The following ZNF581 variants were observed in gnomAD, a reference collection of about 807,000 sequenced individuals.
ZNF581 encodes zinc finger protein 581.
ZNF581 carries 1 observed loss-of-function variant against 1.2 expected under a neutral mutation model. That is an observed-to-expected ratio of 0.83 (90% CI 0.30 to 3.95). ZNF581 has a LOEUF of 3.95. Ranked by LOEUF, ZNF581 falls within the 30% of genes most tolerant of loss-of-function variation. The pLI is 0.18. For missense variants in ZNF581, 273 were observed against 274.6 expected (o/e 0.99, Z 0.04); for synonymous variants, 105 against 109.2 (o/e 0.96, Z 0.24).
chr19:55,640,515 G>T (rs1394270884), upstream of ZNF581: 2 of 985,364 alleles, frequency 2.0e-6, no homozygotes, highest in Non-Finnish European at 2.4e-6. Flanking sequence ...TCCCGCATGT[G>T]CCCCGTGGAA....
upstream of ZNF581, chr19:55,642,108 A>G (rs1330404668): frequency 2.0e-6 from 2 of 1,001,588 alleles, no homozygotes; most frequent in Admixed American, 1.2e-4. Flanking sequence ...GATTAGAGAA[A>G]TCTCGGCGGT....
chr19:55,642,128 CG>C (rs1445511524), upstream of ZNF581: 5 of 1,014,856 alleles, frequency 4.9e-6, no homozygotes, highest in Non-Finnish European at 5.9e-6. Context: ...TCAGGAGGCC[CG>C]GGGTCTAAGA....
At chr19:55,639,492 G>T (rs2123621798), upstream of ZNF581, among the ~76,000 whole-genome samples, 1 of 152,290 alleles carries the variant, frequency 6.6e-6, no homozygotes, top group South Asian at 2.1e-4. Flanking sequence ...AAAGTACCTT[G>T]TGTCCCAAAC....
chr19:55,640,375 C>T, upstream of ZNF581: 1 of 985,494 alleles, frequency 1.0e-6, no homozygotes, highest in Non-Finnish European at 1.2e-6. Context: ...GTGGGCAGTG[C>T]CAGCCTTTCC....
chr19:55,644,542 C>T lies in ZNF581; in HGVS notation c.-19-11C>T, dbSNP rs1316161520. On this transcript the variant is annotated splice_polypyrimidine_tract_variant and intron_variant, in intron 1 of 1. Transcript: ENST00000270451. This position sits in a 1 kb window ranked among gnomAD's most constrained non-coding sequence, Gnocchi z 4.3. Reference sequence around the variant, plus strand: ...CTATATAACCTTCTTATCCCATCTCCCATCCACCAGGCCTCAGCCAGCCCT... The same window carrying T: ...CTATATAACCTTCTTATCCCATCTCTCATCCACCAGGCCTCAGCCAGCCCT... 6.6e-7 allele frequency: 1 copy of T among 1,514,388 alleles called. No individual in the cohort carries two copies. Among genetic ancestry groups the T allele is most frequent in the Non-Finnish European group, 8.9e-7 (1 of 1,122,200 alleles). The allele number at this position is 1,514,388 out of a possible 1,614,324, so 93.8% of individuals were successfully genotyped here.
In ZNF581 at chr19:55,645,043, G is replaced by A. The variant is rs767382214; in HGVS notation, c.472G>A (p.Gly158Ser). The part of the protein sequence containing the change: ...PLCPRRFRDA[G>S]ELAQHSRVHS... ...CTGCCCTCGCCGCTTCCGGGATGCGGGTGAGCTGGCCCAGCACAGCCGGGT... is the reference window on the plus strand; with the variant it reads ...CTGCCCTCGCCGCTTCCGGGATGCGAGTGAGCTGGCCCAGCACAGCCGGGT... The change falls in exon 2 of 2, where the codon GGT becomes AGT. Residue 158 changes from glycine (G) to serine (S), a missense_variant. By Grantham distance (56) the Gly-to-Ser change is moderately conservative. Coordinates refer to ENST00000270451, the MANE Select transcript of ZNF581 (RefSeq NM_016535.4). 3 of 1,586,338 alleles carry A rather than the reference G, an allele frequency of 1.9e-6. No homozygotes were observed. Among genetic ancestry groups the A allele is most frequent in the Non-Finnish European group, 2.6e-6 (3 of 1,161,354 alleles).
At chr19:55,642,293 A>G, upstream of ZNF581, 17 of 1,245,794 alleles carry the variant, frequency 1.4e-5, no homozygotes, top group Non-Finnish European at 1.7e-5. Flanking sequence ...GGGGTTTTGC[A>G]GAGCTCAGTT....
chr19:55,638,681 T>G (rs1255966357), upstream of ZNF581, among the ~76,000 whole-genome samples: 2 of 152,000 alleles, frequency 1.3e-5, no homozygotes, highest in African/African-American at 4.8e-5. Flanking sequence ...CACTGGGGAT[T>G]ACATTTCAAC....
upstream of ZNF581, among the ~76,000 whole-genome samples, chr19:55,638,454 G>T (rs1982226612): frequency 6.6e-6 from 1 of 152,096 alleles, no homozygotes; most frequent in Non-Finnish European, 1.5e-5. Context: ...GGCCAGGATG[G>T]TCTTGATCTT....
At position 55,645,042 on chromosome 19, in the gene ZNF581, G is replaced by A. The variant is rs761741315; in HGVS notation, c.471G>A (p.Ala157=). The A allele has an allele frequency of 2.1e-5, 33 of 1,586,366 alleles. 1 individual carries two copies. The highest frequency in any genetic ancestry group is 9.1e-5 in the South Asian group (8 of 88,388). ...TCTGCCCTCGCCGCTTCCGGGATGC[G>A]GGTGAGCTGGCCCAGCACAGCCGGG... ...CPLCPRRFRD[A]GELAQHSRVH... is the part of the protein sequence containing the mutation. The change falls in exon 2 of 2, where the codon GCG becomes GCA. Residue 157 remains alanine (A), a synonymous_variant. Transcript: ENST00000270451.
upstream of ZNF581, chr19:55,635,072 T>G: frequency 6.6e-6 from 1 of 150,772 alleles, no homozygotes; most frequent in African/African-American, 2.4e-5. Context: ...TTGCGGGGAG[T>G]GAGCAGGTTC....
upstream of ZNF581, chr19:55,642,600 A>G (rs1982584943): frequency 1.4e-6 from 2 of 1,451,436 alleles, no homozygotes; most frequent in Non-Finnish European, 1.8e-6. Flanking sequence ...CCTTTCCCCA[A>G]GGCGGAAGGC....
At chr19:55,635,723 G>T (rs894836393) in intron 1 of ZNF581, 14 of 988,238 alleles carry the variant, frequency 1.4e-5, no homozygotes, top group Non-Finnish European at 1.7e-5. Flanking sequence ...GTTGGGTGAG[G>T]GCAAGGGTGG....
At chr19:55,643,278 C>G, upstream of ZNF581, 5 of 482,086 alleles carry the variant, frequency 1.0e-5, no homozygotes, top group Non-Finnish European at 1.7e-5. Context: ...TCCAGTCCAG[C>G]TGTGCTGTGT....
At position 55,645,469 on chromosome 19, in the gene ZNF581, C is replaced by A. The variant is rs967864228; in HGVS notation, c.*304C>A. The A allele has an allele frequency of 5.7e-5, 17 of 299,768 alleles. No individual in the cohort carries two copies. In the East Asian group the frequency reaches 7.4e-4, roughly 13 times the overall value. 18.6% of individuals were successfully genotyped at this position (299,768 alleles called of 1,614,324 possible). ...AGGTGGGGAGTGTGGTGTGTAAAGT[C>A]TCTGGCCTCATAAAAGGTGGCTGTG... On this transcript the variant is annotated 3_prime_UTR_variant, in exon 2 of 2. Transcript: ENST00000270451.
At chr19:55,642,023 G>C (rs530071118), upstream of ZNF581, 2 of 985,042 alleles carry the variant, frequency 2.0e-6, no homozygotes, top group African/African-American at 1.8e-5. Context: ...GGGCCGGTGG[G>C]GGGGTAGGGG....
At chr19:55,639,860 G>A (rs1449159308), upstream of ZNF581, among the ~76,000 whole-genome samples, 1 of 152,124 alleles carries the variant, frequency 6.6e-6, no homozygotes, top group African/African-American at 2.4e-5. Context: ...CAGGTGATCC[G>A]CCCGCCTTGG....
Position 55,645,014 on chromosome 19 carries a change from C to T in ZNF581, c.443C>T (p.Pro148Leu), listed in dbSNP as rs149813172. The T allele has an allele frequency of 5.6e-5, 90 of 1,596,486 alleles. No homozygotes were observed. The highest frequency in any genetic ancestry group is 4.0e-4 in the South Asian group (36 of 90,306). The change falls in exon 2 of 2, where the codon CCG becomes CTG. Residue 148 changes from proline (P) to leucine (L), a missense_variant. By Grantham distance (98) the Pro-to-Leu change is moderately conservative. Transcript: ENST00000270451. The part of the protein sequence containing the change: ...LAGGGRPHGC[P>L]LCPRRFRDAG... ...GGTGGTGGGCGGCCCCACGGCTGCC[C>T]GCTCTGCCCTCGCCGCTTCCGGGAT... is the stretch of plus-strand genomic sequence containing the variant.
upstream of ZNF581, among the ~76,000 whole-genome samples, chr19:55,639,680 G>A (rs765769289): frequency 6.6e-6 from 1 of 152,094 alleles, no homozygotes; most frequent in Non-Finnish European, 1.5e-5. Flanking sequence ...ATAGTGGCAC[G>A]ATCTTGGCAC....
Sources: gnomAD v4.1 joint callset for allele counts (sites outside exome capture counted in the v4.1 genomes callset) on GRCh38, gnomAD v4.1.1 for gene constraint, Gnocchi (gnomAD v3.1) non-coding constraint, MANE v1.5 for transcripts, NCBI Gene and HGNC (gene_info 2026-07-23, HGNC 2026-07-21) for gene names.